The following ALPL variants were observed in gnomAD, a reference collection of about 807,000 sequenced individuals.
ALPL encodes the protein alkaline phosphatase, biomineralization associated.
In ALPL, 42 loss-of-function variants were observed where a neutral mutation model predicts 51.3. The observed-to-expected ratio is 0.82, with a 90% confidence interval of 0.64 to 1.06. ALPL has a LOEUF of 1.06. Ranked by LOEUF, ALPL falls within the 50% of genes least tolerant of loss-of-function variation. The pLI is 0.00. For synonymous variants in ALPL, 279 were observed against 296.4 expected (o/e 0.94, Z 0.60); for missense variants, 589 against 709.4 (o/e 0.83, Z 1.93).
chr1:21,559,388 T>G (rs1423601292), intron 2 of ALPL, among the ~76,000 whole-genome samples: 1 of 152,092 alleles, frequency 6.6e-6, no homozygotes, highest in Non-Finnish European at 1.5e-5. Flanking sequence ...GTGGGTCAGG[T>G]GTGTCACTTG....
At chr1:21,548,106 G>A (rs1644275677) in intron 1 of ALPL, among the ~76,000 whole-genome samples, 1 of 152,216 alleles carries the variant, frequency 6.6e-6, no homozygotes, top group African/African-American at 2.4e-5. Context: ...GGCAGAGAAG[G>A]GAGGGAGGGG....
intron 1 of ALPL, among the ~76,000 whole-genome samples, chr1:21,532,620 A>G (rs1436242171): frequency 6.6e-6 from 1 of 152,246 alleles, no homozygotes; most frequent in African/African-American, 2.4e-5. Flanking sequence ...GCAAATATTC[A>G]ATATGAGAAA....
chr1:21,533,163 G>C (rs1459081617), intron 1 of ALPL, among the ~76,000 whole-genome samples: 2 of 152,210 alleles, frequency 1.3e-5, no homozygotes, highest in Non-Finnish European at 2.9e-5. Flanking sequence ...GTAGTTTGGA[G>C]TTGGACAATT....
chr1:21,510,257 G>T (rs909054855), intron 1 of ALPL, among the ~76,000 whole-genome samples: 1 of 152,160 alleles, frequency 6.6e-6, no homozygotes, highest in African/African-American at 2.4e-5. Context: ...CAGCAGAAAG[G>T]CAGGAGGCCG....
At chr1:21,514,013 A>G (rs1290560083) in intron 1 of ALPL, among the ~76,000 whole-genome samples, 1 of 152,060 alleles carries the variant, frequency 6.6e-6, no homozygotes, top group Non-Finnish European at 1.5e-5. Flanking sequence ...CTCAAATTCC[A>G]CTTGAATGAT....
intron 1 of ALPL, among the ~76,000 whole-genome samples, chr1:21,532,248 A>G (rs372057972): frequency 6.6e-6 from 1 of 152,004 alleles, no homozygotes; most frequent in African/African-American, 2.4e-5. Context: ...CTGGAGTGCA[A>G]TGGTGTGATC....
intron 1 of ALPL, among the ~76,000 whole-genome samples, chr1:21,517,172 C>T (rs989258821): frequency 2.6e-5 from 4 of 152,034 alleles, no homozygotes; most frequent in South Asian, 2.1e-4. Context: ...TTTGCATCAT[C>T]GTAAAGAAAA....
intron 9 of ALPL, chr1:21,574,204 GCAGA>G: frequency 1.0e-6 from 1 of 985,470 alleles, no homozygotes; most frequent in Non-Finnish European, 1.2e-6. Flanking sequence ...CAGGGGCCTT[GCAGA>G]CAGACCTGAA....
chr1:21,536,123 G>A (rs72659175), intron 1 of ALPL, among the ~76,000 whole-genome samples: 87 of 152,330 alleles, frequency 5.7e-4, no homozygotes, highest in Non-Finnish European at 1.1e-3. Context: ...AACTTCAATG[G>A]ACAACAACCT....
chr1:21,550,150 G>A (rs1421858071), intron 1 of ALPL, among the ~76,000 whole-genome samples: 1 of 152,206 alleles, frequency 6.6e-6, no homozygotes, highest in Non-Finnish European at 1.5e-5. Flanking sequence ...AGAGATTTTT[G>A]GGGTGGCAGA....
intron 11 of ALPL, 50 bp downstream of exon 11, chr1:21,576,691 G>A (rs899089853): frequency 6.2e-7 from 1 of 1,610,180 alleles, no homozygotes; most frequent in African/African-American, 1.3e-5. Flanking sequence ...ACCCCTCGGG[G>A]ATGGGCTTGG....
At chr1:21,518,243 A>G (rs12022032) in intron 1 of ALPL, among the ~76,000 whole-genome samples, 128,508 of 151,906 alleles carry the variant, frequency 0.85, 54,816 homozygotes, top group East Asian at 1. Flanking sequence ...GTCCTCCTGG[A>G]AAGAGTTAGG....
intron 1 of ALPL, among the ~76,000 whole-genome samples, chr1:21,549,528 C>A (rs1644294241): frequency 1.3e-5 from 2 of 150,924 alleles, no homozygotes; most frequent in African/African-American, 4.9e-5. Context: ...GGCTGGACTG[C>A]AGTGATGCGA....
chr1:21,535,491 G>C (rs1644093617), intron 1 of ALPL, among the ~76,000 whole-genome samples: 1 of 152,144 alleles, frequency 6.6e-6, no homozygotes, highest in Admixed American at 6.5e-5. Flanking sequence ...GTGCGCCGGT[G>C]GTCCCAGCTA....
intron 2 of ALPL, 150 bp from the exon 3 acceptor site, chr1:21,560,476 C>A (rs891821421): frequency 9.9e-7 from 1 of 1,008,380 alleles, no homozygotes; most frequent in Non-Finnish European, 1.5e-6. Flanking sequence ...TATTTATAAA[C>A]CACAGATGTG....
chr1:21,517,350 A>G (rs1319146558), intron 1 of ALPL, among the ~76,000 whole-genome samples: 4 of 152,218 alleles, frequency 2.6e-5, no homozygotes, highest in African/African-American at 9.7e-5. Flanking sequence ...AATGTTCTCA[A>G]AGTTTGGAAA....
chr1:21,540,574 C>T (rs779833371), intron 1 of ALPL, among the ~76,000 whole-genome samples: 5 of 152,338 alleles, frequency 3.3e-5, no homozygotes, highest in African/African-American at 1.2e-4. Context: ...AGGGCCTGCT[C>T]TCCACCAGGC....
chr1:21,528,150 G>C (rs1280449435), intron 1 of ALPL, among the ~76,000 whole-genome samples: 2 of 151,436 alleles, frequency 1.3e-5, no homozygotes, highest in Admixed American at 6.6e-5. Flanking sequence ...CCCCTAAGTA[G>C]CTGGGACTGC....
In ALPL at chr1:21,520,113, T is replaced by G. The variant is rs144990827; in HGVS notation, c.-105+10596T>G. On this transcript the variant is annotated intron_variant, in intron 1 of 11. Transcript: ENST00000374840. ...CCAGGCACTTATTCTATTTTTCAGG[T>G]TTTTTTTGTTGTTGTTGTTTGTTTG... Among the ~76,000 whole-genome samples, 298 of 151,846 alleles carry G rather than the reference T, an allele frequency of 2.0e-3. 1 individual carries two copies. Among genetic ancestry groups the G allele is most frequent in the African/African-American group, 6.7e-3 (278 of 41,428 alleles).
Sources: allele counts gnomAD v4.1 joint callset (sites outside exome capture counted in the v4.1 genomes callset), GRCh38; gene constraint gnomAD v4.1.1; transcripts MANE v1.5; gene names NCBI Gene and HGNC (gene_info 2026-07-23, HGNC 2026-07-21).